Variants in CNTNAP5 observed in about 807,000 individuals in gnomAD.
CNTNAP5 encodes contactin associated protein family member 5.
In CNTNAP5, 72 loss-of-function variants were observed where a neutral mutation model predicts 150.2. That is an observed-to-expected ratio of 0.48 (90% CI 0.40 to 0.58). The LOEUF (loss-of-function observed/expected upper bound fraction) is 0.58, where lower values mean the gene tolerates loss of function less well. CNTNAP5 is among the 20% of genes least tolerant of loss of function. The pLI is 0.00. For synonymous variants in CNTNAP5, 672 were observed against 619.8 expected, an observed-to-expected ratio of 1.08 and a Z score of -1.25; for missense variants, 1,636 against 1,626.2, an observed-to-expected ratio of 1.01 and a Z score of -0.10.
intron 1 of CNTNAP5, among the ~76,000 whole-genome samples, chr2:124,140,061 G>C (rs1029574779): frequency 6.6e-6 from 1 of 152,012 alleles, no homozygotes; most frequent in Non-Finnish European, 1.5e-5. Context: ...ACTCCCACCC[G>C]AATATTGCGC....
chr2:124,621,538 G>A (rs1039270898), intron 12 of CNTNAP5, among the ~76,000 whole-genome samples: 11 of 152,174 alleles, frequency 7.2e-5, no homozygotes, highest in Admixed American at 2.0e-4. Flanking sequence ...AATGGAGTAG[G>A]TAGAAAGCTG....
chr2:124,121,247 C>T (rs1313304285), intron 1 of CNTNAP5, among the ~76,000 whole-genome samples: 1 of 152,080 alleles, frequency 6.6e-6, no homozygotes, highest in African/African-American at 2.4e-5. Context: ...CTTACTACCT[C>T]CTCTAAGTGT....
chr2:124,314,111 C>A (rs1335430811), intron 3 of CNTNAP5, among the ~76,000 whole-genome samples: 2 of 152,124 alleles, frequency 1.3e-5, no homozygotes, highest in African/African-American at 4.8e-5. Context: ...TTTCCAAGTA[C>A]CAGATTCACA....
At chr2:124,194,625 A>G (rs1195483239) in intron 1 of CNTNAP5, among the ~76,000 whole-genome samples, 1 of 150,750 alleles carries the variant, frequency 6.6e-6, no homozygotes, top group African/African-American at 2.4e-5. Flanking sequence ...CCACAAAAAA[A>G]TTTTGCTTAG....
chr2:124,769,093 A>G (rs1054208333), intron 16 of CNTNAP5, among the ~76,000 whole-genome samples: 2 of 152,120 alleles, frequency 1.3e-5, no homozygotes, highest in African/African-American at 4.8e-5. Flanking sequence ...TTGAGGACAC[A>G]GAAATGGAGT....
chr2:124,848,186 A>C (rs932103837), intron 19 of CNTNAP5, among the ~76,000 whole-genome samples: 1 of 152,096 alleles, frequency 6.6e-6, no homozygotes, highest in Non-Finnish European at 1.5e-5. Context: ...CGTTTCCCCA[A>C]ACCCCAGTCC....
At chr2:124,308,196 T>A (rs1404489437) in intron 3 of CNTNAP5, among the ~76,000 whole-genome samples, 5 of 151,340 alleles carry the variant, frequency 3.3e-5, no homozygotes, top group Admixed American at 3.3e-4. Context: ...ATTGGAAGAC[T>A]TTTTTTTTGT....
At chr2:124,160,087 A>G (rs1220819305) in intron 1 of CNTNAP5, among the ~76,000 whole-genome samples, 1 of 152,132 alleles carries the variant, frequency 6.6e-6, no homozygotes, top group Non-Finnish European at 1.5e-5. Flanking sequence ...ATCGATTCAC[A>G]TGATTATGGA....
At chr2:124,799,468 A>C (rs1412468826) in intron 19 of CNTNAP5, among the ~76,000 whole-genome samples, 2 of 152,202 alleles carry the variant, frequency 1.3e-5, no homozygotes, top group Non-Finnish European at 2.9e-5. Flanking sequence ...TCAAGAATAC[A>C]ACTTTCTTCC....
intron 13 of CNTNAP5, among the ~76,000 whole-genome samples, chr2:124,734,646 C>A (rs1680344452): frequency 1.3e-5 from 2 of 151,848 alleles, no homozygotes; most frequent in Non-Finnish European, 2.9e-5. Context: ...ATAAGAATAA[C>A]CAGAAATTTG....
intron 11 of CNTNAP5, among the ~76,000 whole-genome samples, chr2:124,581,892 A>G (rs1696422952): frequency 6.6e-6 from 1 of 152,236 alleles, no homozygotes; most frequent in Non-Finnish European, 1.5e-5. Context: ...TGCAGTGTCG[A>G]TGGTACCTCA....
chr2:124,665,825 G>T (rs919777957), intron 13 of CNTNAP5, among the ~76,000 whole-genome samples: 1 of 151,320 alleles, frequency 6.6e-6, no homozygotes, highest in Non-Finnish European at 1.5e-5. Context: ...GGAAGAGCTT[G>T]CAGTGAGCCG....
intron 3 of CNTNAP5, among the ~76,000 whole-genome samples, chr2:124,256,373 T>C (rs1035636679): frequency 6.6e-6 from 1 of 152,124 alleles, no homozygotes; most frequent in African/African-American, 2.4e-5. Flanking sequence ...CCAGTGTAAA[T>C]TCAGGAGAGG....
At chr2:124,527,619 G>GA (rs971034524) in intron 10 of CNTNAP5, among the ~76,000 whole-genome samples, 163 bp downstream of exon 10, 15 of 152,194 alleles carry the variant, frequency 9.9e-5, no homozygotes, top group South Asian at 2.1e-4. Context: ...CAGGCCCAGA[G>GA]AAAAAATGGT....
At chr2:124,243,677 C>T (rs894404022) in intron 3 of CNTNAP5, among the ~76,000 whole-genome samples, 15 of 152,052 alleles carry the variant, frequency 9.9e-5, no homozygotes, top group East Asian at 3.9e-4. Flanking sequence ...GTTGGGAGGA[C>T]GGCGAGAGTC....
intron 2 of CNTNAP5, among the ~76,000 whole-genome samples, chr2:124,237,596 G>T (rs188582270): frequency 2.0e-5 from 3 of 152,164 alleles, no homozygotes; most frequent in African/African-American, 7.2e-5. Flanking sequence ...CACTCAGGGA[G>T]GCTGAGATGG....
In CNTNAP5 at chr2:124,513,577, C is replaced by G. The variant is rs146920307; in HGVS notation, c.1327+9021C>G. 2.3e-4 allele frequency among the ~76,000 whole-genome samples: 35 copies of G among 152,252 alleles called. No individual in the cohort carries two copies. In the East Asian group the frequency reaches 6.8e-3, roughly 29 times the overall value. The stretch of plus-strand genomic sequence containing the variant: ...ACGTCTTCCATAACTATTTGCCACA[C>G]GCATGAATACACTAGTGGAGTTGAC... On this transcript the variant is annotated intron_variant, in intron 8 of 23. Coordinates refer to ENST00000682447, the MANE Select transcript of CNTNAP5 (RefSeq NM_001367498.1).
At chr2:124,897,031 T>C (rs1678320895) in intron 21 of CNTNAP5, among the ~76,000 whole-genome samples, 1 of 151,640 alleles carries the variant, frequency 6.6e-6, no homozygotes, top group African/African-American at 2.4e-5. Flanking sequence ...TTTAAGCCTT[T>C]ATTTGAATAT....
At chr2:124,657,542 G>A (rs988399367) in intron 13 of CNTNAP5, among the ~76,000 whole-genome samples, 3 of 151,948 alleles carry the variant, frequency 2.0e-5, no homozygotes, top group African/African-American at 7.3e-5. Flanking sequence ...ACCATCCCAT[G>A]CCCCATTTCC....
Sources: gnomAD v4.1 joint callset for allele counts (sites outside exome capture counted in the v4.1 genomes callset) on GRCh38, gnomAD v4.1.1 for gene constraint, MANE v1.5 for transcripts, NCBI Gene and HGNC (gene_info 2026-07-23, HGNC 2026-07-21) for gene names.